The following MEOX2 variants were observed in gnomAD, a reference collection of about 807,000 sequenced individuals.
MEOX2 encodes mesenchyme homeobox 2.
MEOX2 carries 11 observed loss-of-function variants against 27.0 expected under a neutral mutation model. The ratio of observed to expected loss-of-function variants is 0.41; its 90% CI spans 0.26 to 0.68. The LOEUF (loss-of-function observed/expected upper bound fraction) is 0.68. MEOX2 is among the 30% of genes least tolerant of loss of function. The pLI is 0.33. For synonymous variants in MEOX2, 189 were observed against 155.4 expected, an observed-to-expected ratio of 1.22 and a Z score of -1.61; for missense variants, 436 against 385.4, an observed-to-expected ratio of 1.13 and a Z score of -1.10.
intron 1 of MEOX2, among the ~76,000 whole-genome samples, chr7:15,684,533 A>G (rs886286239): frequency 5.3e-5 from 8 of 152,210 alleles, no homozygotes; most frequent in African/African-American, 1.7e-4. Context: ...AGACCGTGAG[A>G]GAAGAATCCA....
At position 15,612,128 on chromosome 7, in the gene MEOX2, G is replaced by C; in HGVS notation, c.*259C>G. 1 of 501,936 alleles carries C rather than the reference G, an allele frequency of 2.0e-6. No individual in the cohort carries two copies. Among genetic ancestry groups the C allele is most frequent in the Non-Finnish European group, 3.6e-6 (1 of 279,046 alleles). The allele number at this position is 501,936 out of a possible 1,614,324, so 31.1% of individuals were successfully genotyped here. On this transcript the variant is annotated 3_prime_UTR_variant, in exon 3 of 3. Coordinates refer to ENST00000262041, the MANE Select transcript of MEOX2 (RefSeq NM_005924.5). ...TGCAAGCAAAAGCAAACACATACCT[G>C]CTCACTGCCATACGCACGACCAAAC...
chr7:15,626,107 A>C (rs1562597077), intron 2 of MEOX2, among the ~76,000 whole-genome samples: 1 of 152,138 alleles, frequency 6.6e-6, no homozygotes, highest in African/African-American at 2.4e-5. Flanking sequence ...TTAGTGTGTA[A>C]ATAGAAGTGA....
At chr7:15,620,508 G>A (rs543725387) in intron 2 of MEOX2, among the ~76,000 whole-genome samples, 1 of 152,206 alleles carries the variant, frequency 6.6e-6, no homozygotes, top group South Asian at 2.1e-4. Flanking sequence ...AGGAGGCGGA[G>A]CTTGCAGTGA....
chr7:15,683,661 T>C (rs987670469), intron 1 of MEOX2, among the ~76,000 whole-genome samples: 3 of 152,164 alleles, frequency 2.0e-5, no homozygotes, highest in Non-Finnish European at 2.9e-5. Flanking sequence ...CTGACAAATA[T>C]ACCTTCAGCT....
chr7:15,617,530 A>T (rs1448985012), intron 2 of MEOX2, among the ~76,000 whole-genome samples: 1 of 152,088 alleles, frequency 6.6e-6, no homozygotes, highest in East Asian at 1.9e-4. Flanking sequence ...AATGGGGAAA[A>T]GAAAGCTTTT....
At chr7:15,678,130 A>G (rs1001228902) in intron 1 of MEOX2, among the ~76,000 whole-genome samples, 4 of 152,198 alleles carry the variant, frequency 2.6e-5, no homozygotes, top group Admixed American at 6.5e-5. Flanking sequence ...TCATTTTTAC[A>G]TCTACATTCT....
intron 2 of MEOX2, among the ~76,000 whole-genome samples, chr7:15,614,202 GATAAA>G (rs60984021): frequency 0.038 from 5,349 of 141,726 alleles, 128 homozygotes; most frequent in Middle Eastern, 0.056. Context: ...CAAATAAATA[GATAAA>G]ATAAAATAAA....
At chr7:15,632,297 T>C (rs1267887515) in intron 1 of MEOX2, among the ~76,000 whole-genome samples, 1 of 151,832 alleles carries the variant, frequency 6.6e-6, no homozygotes, top group African/African-American at 2.4e-5. Context: ...AATTCCTTAT[T>C]TTTTGTGCCC....
chr7:15,623,159 G>C (rs1781246354), intron 2 of MEOX2, among the ~76,000 whole-genome samples: 3 of 152,168 alleles, frequency 2.0e-5, no homozygotes, highest in South Asian at 2.1e-4. Flanking sequence ...TTGTAATTCT[G>C]TTAATAACTT....
At chr7:15,658,849 A>G (rs1260017442) in intron 1 of MEOX2, among the ~76,000 whole-genome samples, 1 of 152,208 alleles carries the variant, frequency 6.6e-6, no homozygotes, top group Non-Finnish European at 1.5e-5. Context: ...AGCCTCCAGA[A>G]CTGTGAGAAA....
intron 1 of MEOX2, among the ~76,000 whole-genome samples, chr7:15,640,740 G>A (rs1227265587): frequency 1.3e-5 from 2 of 152,068 alleles, no homozygotes; most frequent in African/African-American, 4.8e-5. Flanking sequence ...CATGAAGGAT[G>A]CTGGATTTTA....
At chr7:15,614,667 G>C (rs1781095136) in intron 2 of MEOX2, among the ~76,000 whole-genome samples, 1 of 151,704 alleles carries the variant, frequency 6.6e-6, no homozygotes, top group South Asian at 2.1e-4. Flanking sequence ...TTTTTCTATA[G>C]TTTTGATAAA....
At chr7:15,677,910 C>T (rs1360675611) in intron 1 of MEOX2, among the ~76,000 whole-genome samples, 4 of 152,174 alleles carry the variant, frequency 2.6e-5, no homozygotes, top group Middle Eastern at 3.2e-3. Flanking sequence ...CTTACTTATA[C>T]TTTCCTAAAC....
chr7:15,684,939 A>T (rs1782352745), intron 1 of MEOX2, among the ~76,000 whole-genome samples: 1 of 152,246 alleles, frequency 6.6e-6, no homozygotes, highest in South Asian at 2.1e-4. Flanking sequence ...TTTATTCGGC[A>T]CGTTGTGCCT....
chr7:15,674,538 T>A (rs1018420091), intron 1 of MEOX2, among the ~76,000 whole-genome samples: 3 of 148,136 alleles, frequency 2.0e-5, no homozygotes, highest in African/African-American at 7.5e-5. Flanking sequence ...TAAATTAAAA[T>A]TAATTAGATA....
intron 2 of MEOX2, among the ~76,000 whole-genome samples, chr7:15,615,169 C>T (rs1439256745): frequency 1.2e-5 from 1 of 83,866 alleles, no homozygotes; most frequent in African/African-American, 4.5e-5. Context: ...GACAGCTATA[C>T]TATTGGTGCT....
chr7:15,632,564 A>C (rs1781420566), intron 1 of MEOX2, among the ~76,000 whole-genome samples: 2 of 151,942 alleles, frequency 1.3e-5, no homozygotes, highest in South Asian at 2.1e-4. Flanking sequence ...AAAACAAAAC[A>C]AATTTTAACA....
Position 15,686,408 on chromosome 7 carries a change from G to A in MEOX2, c.-6C>T, listed in dbSNP as rs575397061. Reference sequence around the variant, plus strand: ...CCAAAGAGCGGGTGTTCCATAGCATGCAAGTTTCGGGTTCCAGGCAGAAGA... The same window carrying A: ...CCAAAGAGCGGGTGTTCCATAGCATACAAGTTTCGGGTTCCAGGCAGAAGA... On this transcript the variant is annotated 5_prime_UTR_variant, in exon 1 of 3. Transcript: ENST00000262041. 1.3e-6 allele frequency: 2 copies of A among 1,560,568 alleles called. No homozygotes were observed. Among genetic ancestry groups the A allele is most frequent in the Admixed American group, 3.8e-5 (2 of 51,970 alleles).
chr7:15,620,942 C>T (rs753622755), intron 2 of MEOX2, among the ~76,000 whole-genome samples: 1 of 136,864 alleles, frequency 7.3e-6, no homozygotes, highest in South Asian at 2.1e-4. Context: ...AGCCTTAACT[C>T]TATAAAAATG....
Sources: allele counts gnomAD v4.1 joint callset (sites outside exome capture counted in the v4.1 genomes callset), GRCh38; gene constraint gnomAD v4.1.1; transcripts MANE v1.5; gene names NCBI Gene and HGNC (gene_info 2026-07-23, HGNC 2026-07-21).